MYO18A: variants seen among roughly 807,000 people sequenced by gnomAD.
MYO18A encodes myosin XVIIIA.
Under a neutral mutation model 235.8 loss-of-function variants are expected in MYO18A, and 78 were observed. The ratio of observed to expected loss-of-function variants is 0.33; its 90% CI spans 0.28 to 0.40. The LOEUF (loss-of-function observed/expected upper bound fraction) is 0.40. Among genes scored for constraint, MYO18A ranks in the 10% least tolerant of loss-of-function variants. The probability of loss-of-function intolerance (pLI) is 1.00; values close to 1 mark genes in which losing one functional copy is unlikely to be tolerated. For synonymous variants in MYO18A, 977 were observed against 1,077.8 expected, an observed-to-expected ratio of 0.91 and a Z score of 1.83; for missense variants, 2,215 against 2,699.3, an observed-to-expected ratio of 0.82 and a Z score of 3.98.
At position 29,166,482 on chromosome 17, in the gene MYO18A, G is replaced by T. The variant is rs771210704; in HGVS notation, c.459C>A (p.Thr153=). 1 of 1,613,672 alleles carries T rather than the reference G, an allele frequency of 6.2e-7. No individual in the cohort carries two copies. Among genetic ancestry groups the T allele is most frequent in the Non-Finnish European group, 8.5e-7 (1 of 1,179,848 alleles). The change falls in exon 2 of 42, where the codon ACC becomes ACA. Residue 153 remains threonine (T), a synonymous_variant. Transcript: ENST00000527372. ...QRSRDESASE[T]STPSEHSAAP... ...CGGCAGAGTGCTCTGAGGGCGTCGA[G>T]GTTTCTGAGGCGCTCTCATCCCGGC...
At chr17:29,100,094 C>T (rs535859296) in intron 21 of MYO18A, among the ~76,000 whole-genome samples, 80 of 152,298 alleles carry the variant, frequency 5.3e-4, no homozygotes, top group Middle Eastern at 3.4e-3. Flanking sequence ...AGGGAGGGGG[C>T]GTCCTGCCAC....
In MYO18A at chr17:29,121,100, T is replaced by G. The variant is rs1389523545; in HGVS notation, c.1483A>C (p.Ile495Leu). The change falls in exon 6 of 42, where the codon ATC (isoleucine) becomes CTC (leucine). Residue 495 changes from isoleucine (I) to leucine (L), a missense_variant. Physicochemically the swap from Ile to Leu is conservative, Grantham distance 5 (BLOSUM62 2). Transcript: ENST00000527372. The surrounding 1 kb of genome is among the most constrained non-coding windows in gnomAD (Gnocchi z 4.2). ...MLMSRQDQSI[I>L]LLGSSGSGKT... is the part of the protein sequence containing the mutation. ...CCACTGCCACTACTGCCCAGGAGGA[T>G]GATTGACTGATCCTGACGGCTCATC... 6.2e-7 allele frequency: 1 copy of G among 1,612,382 alleles called. No homozygotes were observed. Among genetic ancestry groups the G allele is most frequent in the East Asian group, 2.2e-5 (1 of 44,836 alleles).
At position 29,090,014 on chromosome 17, in the gene MYO18A, G is replaced by A. The variant is rs752123909; in HGVS notation, c.5473C>T (p.Arg1825Trp). 21 of 1,613,928 alleles carry A rather than the reference G, an allele frequency of 1.3e-5. No homozygotes were observed. In the East Asian group the frequency reaches 1.3e-4, roughly 10 times the overall value. ...AACTCCAGGCGTGTCTCCAGCTCCCGTATCTTAGCTTCCTGCCTGCTCACC... is the reference window on the plus strand; with the variant it reads ...AACTCCAGGCGTGTCTCCAGCTCCCATATCTTAGCTTCCTGCCTGCTCACC... ...SLVSRQEAKIRELETRLEFER... is the reference protein window; with the variant it reads ...SLVSRQEAKIWELETRLEFER... Residue 1825 changes from arginine to tryptophan, a missense_variant, in exon 37 of 42, where the codon CGG becomes TGG. By Grantham distance (101) the Arg-to-Trp change is moderately radical. Coordinates refer to ENST00000527372, the MANE Select transcript of MYO18A (RefSeq NM_078471.4).
At chr17:29,101,901 C>G (rs1191195681) in intron 21 of MYO18A, among the ~76,000 whole-genome samples, 1 of 152,158 alleles carries the variant, frequency 6.6e-6, no homozygotes, top group Non-Finnish European at 1.5e-5. Context: ...CCCCAGAAAA[C>G]ACATTCATAC....
At chr17:29,174,446 C>T (rs1016001528) in intron 1 of MYO18A, among the ~76,000 whole-genome samples, 1 of 151,904 alleles carries the variant, frequency 6.6e-6, no homozygotes, top group Admixed American at 6.6e-5. Flanking sequence ...GTCAAGGCTG[C>T]ATGAGCCAAG....
intron 1 of MYO18A, among the ~76,000 whole-genome samples, chr17:29,173,206 C>T (rs1432208852): frequency 6.6e-6 from 1 of 151,788 alleles, no homozygotes; most frequent in Admixed American, 6.6e-5. Flanking sequence ...AATTCTCCTG[C>T]CTCAGCCTCC....
chr17:29,127,902 G>A, intron 2 of MYO18A: 1 of 993,652 alleles, frequency 1.0e-6, no homozygotes, highest in Non-Finnish European at 1.2e-6. Context: ...TCTCCAGTGA[G>A]GTCTGACTTC....
rs553762954 is a variant in MYO18A at position 29,114,961 on chromosome 17, C to T, written c.2457G>A (p.Leu819=). ...ELCHNYTQDR[L]QRLFHERTFV... Reference sequence around the variant, plus strand: ...AGGTGCGCTCGTGGAAGAGCCTCTGCAGCCGGTCTTGGGTGTAGTTGTGGC... The same window carrying T: ...AGGTGCGCTCGTGGAAGAGCCTCTGTAGCCGGTCTTGGGTGTAGTTGTGGC... The change falls in exon 14 of 42, where the codon CTG becomes CTA. Residue 819 remains leucine, a synonymous_variant. Transcript: ENST00000527372. The T allele has an allele frequency of 5.6e-6, 9 of 1,614,020 alleles. No individual in the cohort carries two copies. In the East Asian group the frequency reaches 2.0e-4, roughly 36 times the overall value.
chr17:29,099,850 C>G (rs2066612584), intron 21 of MYO18A, 88 bp from the exon 22 acceptor site: 3 of 1,536,092 alleles, frequency 2.0e-6, no homozygotes, highest in Non-Finnish European at 1.7e-6. Context: ...GAGAAACAAG[C>G]AGGCCAGGGA....
Position 29,180,187 on chromosome 17 carries a change from G to GGGAGGT in MYO18A, c.-82+125_-82+126insACCTCC, listed in dbSNP as rs1307847132. 4.0e-5 allele frequency: 6 copies of GGGAGGT among 151,300 alleles called. No homozygotes were observed. The highest frequency in any genetic ancestry group is 7.4e-5 in the Non-Finnish European group (5 of 67,600). The allele number at this position is 151,300 out of a possible 1,614,324, so 9.4% of individuals were successfully genotyped here. On this transcript the variant is annotated intron_variant, in intron 1 of 41. Transcript: ENST00000527372. The surrounding 1 kb of genome is among the most constrained non-coding windows in gnomAD (Gnocchi z 6.1). ...CCGGGCCGCTGCTTCCAGGGGACGG[G>GGGAGGT]GGAGGAGGAGGAGGAGCCGGCGGGC...
At position 29,116,573 on chromosome 17, in the gene MYO18A, T is replaced by C. The variant is rs551441118; in HGVS notation, c.2039-118A>G. ...GGGGCGGGGGTGTTGTGAGGATGAG[T>C]AGGCAAGAAAACACAACCACAGTCA... On this transcript the variant is annotated intron_variant, in intron 10 of 41. Coordinates refer to ENST00000527372, the MANE Select transcript of MYO18A (RefSeq NM_078471.4). 2.6e-5 allele frequency: 30 copies of C among 1,137,140 alleles called. No individual in the cohort carries two copies. The African/African-American group carries it at 4.3e-4, about 16-fold the overall frequency. 70.4% of individuals were successfully genotyped at this position (1,137,140 alleles called of 1,614,324 possible).
chr17:29,076,309 C>T (rs549641268), intron 41 of MYO18A: 4 of 150,042 alleles, frequency 2.7e-5, no homozygotes, highest in South Asian at 2.1e-4. Context: ...GACTTCACCC[C>T]GCCACTCGAT....
Position 29,121,823 on chromosome 17 carries a change from C to T in MYO18A, c.1194+28G>A. ...GCCCAGTGCACTCCTGAGCCTCCTC[C>T]CCCACACCCAGCCCCCTGCCCACCT... On this transcript the variant is annotated intron_variant, in intron 4 of 41. Coordinates refer to ENST00000527372, the MANE Select transcript of MYO18A (RefSeq NM_078471.4). This position sits in a 1 kb window ranked among gnomAD's most constrained non-coding sequence, Gnocchi z 4.2. The T allele has an allele frequency of 1.9e-6, 3 of 1,612,866 alleles. 1 individual carries two copies. The highest frequency in any genetic ancestry group is 2.2e-5 in the South Asian group (2 of 91,022).
intron 1 of MYO18A, 102 bp from the exon 2 acceptor site, chr17:29,167,123 T>C (rs1271070550): frequency 1.3e-6 from 1 of 791,520 alleles, no homozygotes; most frequent in Admixed American, 3.1e-5. Flanking sequence ...CACTGGGTGC[T>C]AGCTATGTGC....
chr17:29,115,463 G>A (rs1343032793), intron 12 of MYO18A, 22 bp from the exon 13 acceptor site: 6 of 1,608,742 alleles, frequency 3.7e-6, no homozygotes, highest in Middle Eastern at 1.7e-4. Context: ...GGGGAGCAGC[G>A]CTATCTCCTT....
At chr17:29,167,782 T>G (rs894701052) in intron 1 of MYO18A, among the ~76,000 whole-genome samples, 7 of 152,152 alleles carry the variant, frequency 4.6e-5, no homozygotes, top group Non-Finnish European at 8.8e-5. Context: ...AATGTTCGTT[T>G]AAGCAACAGA....
chr17:29,095,126 G>A (rs2152769477), intron 28 of MYO18A, 67 bp from the exon 29 acceptor site: 3 of 1,469,690 alleles, frequency 2.0e-6, no homozygotes, highest in East Asian at 5.0e-5. Flanking sequence ...GACACTGTCA[G>A]GAGGTGGTGC....
chr17:29,107,444 G>A (rs1009846661), intron 19 of MYO18A: 7 of 466,898 alleles, frequency 1.5e-5, no homozygotes, highest in Non-Finnish European at 2.8e-5. Flanking sequence ...CTCCTTCAGA[G>A]AGAAGTAAGC....
chr17:29,082,613 G>C (rs936512575), intron 40 of MYO18A, among the ~76,000 whole-genome samples, 175 bp from the exon 41 acceptor site: 5 of 152,070 alleles, frequency 3.3e-5, no homozygotes, highest in Non-Finnish European at 7.4e-5. Context: ...TTCACAAGGA[G>C]CCTGTCCCCA....
Sources: allele counts gnomAD v4.1 joint callset (sites outside exome capture counted in the v4.1 genomes callset), GRCh38; gene constraint gnomAD v4.1.1; non-coding constraint Gnocchi (gnomAD v3.1); transcripts MANE v1.5; gene names NCBI Gene and HGNC (gene_info 2026-07-23, HGNC 2026-07-21).